Variants in GAPVD1 observed in about 807,000 individuals in gnomAD.
GAPVD1 encodes GTPase activating protein and VPS9 domains 1, also known as GTPase-activating protein and VPS9 domain-containing protein 1.
Under a neutral mutation model 155.5 loss-of-function variants are expected in GAPVD1, and 35 were observed. That is an observed-to-expected ratio of 0.23 (90% CI 0.17 to 0.30). The LOEUF (loss-of-function observed/expected upper bound fraction) is 0.30, where lower values mean the gene tolerates loss of function less well. Among genes scored for constraint, GAPVD1 ranks in the 10% least tolerant of loss-of-function variants. The probability of loss-of-function intolerance (pLI) is 1.00; values close to 1 mark genes in which losing one functional copy is unlikely to be tolerated. For synonymous variants in GAPVD1, 636 were observed against 619.7 expected, an observed-to-expected ratio of 1.03 and a Z score of -0.39; for missense variants, 1,429 against 1,775.7, an observed-to-expected ratio of 0.80 and a Z score of 3.51.
chr9:125,267,967 A>G (rs1834245131), intron 1 of GAPVD1, among the ~76,000 whole-genome samples: 1 of 151,906 alleles, frequency 6.6e-6, no homozygotes, highest in South Asian at 2.1e-4. Context: ...GTTTGAGACC[A>G]GCCTGGCCGA....
chr9:125,269,884 A>AT (rs1476555845), intron 2 of GAPVD1, among the ~76,000 whole-genome samples: 4 of 150,124 alleles, frequency 2.7e-5, no homozygotes, highest in Non-Finnish European at 5.9e-5. Flanking sequence ...TGTCCAGCTA[A>AT]TTTTTTTTAT....
In GAPVD1 at chr9:125,359,406, T is replaced by TG; in HGVS notation, c.3972-8dup. The TG allele has an allele frequency of 7.4e-6, 11 of 1,487,482 alleles. No homozygotes were observed. The highest frequency in any genetic ancestry group is 1.7e-4 in the Middle Eastern group (1 of 5,810). 92.1% of individuals were successfully genotyped at this position (1,487,482 alleles called of 1,614,324 possible). Reference sequence around the variant, plus strand: ...GAAATGAATGTTTACATGTGTATTTTGGGGGGTTTTCAGGGTTCTTCATGA... The same window carrying TG: ...GAAATGAATGTTTACATGTGTATTTTGGGGGGGTTTTCAGGGTTCTTCATGA... On this transcript the variant is annotated splice_polypyrimidine_tract_variant and intron_variant, in intron 25 of 27. Coordinates refer to ENST00000297933, the MANE Select transcript of GAPVD1 (RefSeq NM_001282680.3).
intron 23 of GAPVD1, among the ~76,000 whole-genome samples, chr9:125,353,826 A>C (rs1036326786): frequency 2.6e-5 from 4 of 152,214 alleles, no homozygotes; most frequent in East Asian, 3.8e-4. Context: ...ATGGAAATTC[A>C]AGATGAGATG....
chr9:125,350,666 A>T (rs1430950831), intron 22 of GAPVD1, 47 bp from the exon 23 acceptor site: 1 of 1,178,746 alleles, frequency 8.5e-7, no homozygotes, highest in South Asian at 1.3e-5. Flanking sequence ...TTATTTAAGC[A>T]CATGGAAATT....
rs1469827376 is a variant in GAPVD1 at position 125,295,616 on chromosome 9, G to A, written c.-33+42G>A. ...CCGGCTAGTTTTTGTATTTTTAGTA[G>A]AGACGGGGTTTCACCATGTTGGCCA... On this transcript the variant is annotated intron_variant, in intron 3 of 27. Coordinates refer to ENST00000297933, the MANE Select transcript of GAPVD1 (RefSeq NM_001282680.3). 3 of 151,888 alleles carry A rather than the reference G, an allele frequency of 2.0e-5. No homozygotes were observed. In the East Asian group the frequency reaches 5.8e-4, roughly 29 times the overall value. The allele number at this position is 151,888 out of a possible 1,614,324, so 9.4% of individuals were successfully genotyped here.
chr9:125,330,802 G>A lies in GAPVD1; in HGVS notation c.2173+584G>A, dbSNP rs193130658. On this transcript the variant is annotated intron_variant, in intron 13 of 27. Coordinates refer to ENST00000297933, the MANE Select transcript of GAPVD1 (RefSeq NM_001282680.3). ...CAATTTTCTGTGATTATCAGAGTCC[G>A]TGTGAATCATTGAATTTAGTATCTT... is the stretch of plus-strand genomic sequence containing the variant. Among the ~76,000 whole-genome samples, 8 of 152,316 alleles carry A rather than the reference G, an allele frequency of 5.3e-5. 1 individual carries two copies. Among genetic ancestry groups the A allele is most frequent in the African/African-American group, 7.2e-5 (3 of 41,562 alleles).
At chr9:125,348,941 C>T (rs1486310344) in intron 20 of GAPVD1, among the ~76,000 whole-genome samples, 1 of 152,208 alleles carries the variant, frequency 6.6e-6, no homozygotes, top group Non-Finnish European at 1.5e-5. Context: ...AATCAGGAGA[C>T]CTTAACCCAT....
At position 125,330,989 on chromosome 9, in the gene GAPVD1, T is replaced by C. The variant is rs185233337; in HGVS notation, c.2173+771T>C. ...TTGAGATTCTGTAATCCTGAGGATT[T>C]TTTTTTTGTGCAGGTTATTATAAAT... On this transcript the variant is annotated intron_variant, in intron 13 of 27. Transcript: ENST00000297933. Among the ~76,000 whole-genome samples, 19 of 152,088 alleles carry C rather than the reference T, an allele frequency of 1.2e-4. No homozygotes were observed. In the East Asian group the frequency reaches 3.5e-3, roughly 28 times the overall value.
At chr9:125,308,239 G>A (rs548782586) in intron 8 of GAPVD1, 37 of 268,576 alleles carry the variant, frequency 1.4e-4, no homozygotes, top group African/African-American at 6.4e-4. Flanking sequence ...CCTGCTACTT[G>A]GGAGGCTGAG....
chr9:125,301,298 G>A (rs1840817330), intron 4 of GAPVD1, among the ~76,000 whole-genome samples: 1 of 152,042 alleles, frequency 6.6e-6, no homozygotes, highest in Non-Finnish European at 1.5e-5. Flanking sequence ...TTGAACTCCT[G>A]GGCTCAAGTG....
rs1259477073 is a variant in GAPVD1 at position 125,349,400 on chromosome 9, T to A, written c.3180T>A (p.Gly1060=). ...MANYESTEVM[G]DGESAHDSPR... ...GTGGGTTTTGTTTAGAGGTTATGGGTGATGGTGAAAGTGCACATGATTCTC... is the reference window on the plus strand; with the variant it reads ...GTGGGTTTTGTTTAGAGGTTATGGGAGATGGTGAAAGTGCACATGATTCTC... Residue 1060 remains glycine, a synonymous_variant, in exon 21 of 28, where the codon GGT becomes GGA. Transcript: ENST00000297933. 2 of 1,613,752 alleles carry A rather than the reference T, an allele frequency of 1.2e-6. No homozygotes were observed. Among genetic ancestry groups the A allele is most frequent in the Non-Finnish European group, 8.5e-7 (1 of 1,179,876 alleles).
intron 17 of GAPVD1, among the ~76,000 whole-genome samples, chr9:125,337,979 G>A (rs1371223355): frequency 1.3e-5 from 2 of 152,124 alleles, no homozygotes; most frequent in African/African-American, 4.8e-5. Flanking sequence ...AGGTTCAAGC[G>A]ATTCCTCTGC....
chr9:125,328,081 G>T (rs1166161456), intron 12 of GAPVD1, among the ~76,000 whole-genome samples: 1 of 150,904 alleles, frequency 6.6e-6, no homozygotes, highest in Non-Finnish European at 1.5e-5. Flanking sequence ...CTTTTATTAG[G>T]TTTAATCCAA....
In GAPVD1 at chr9:125,350,750, T is replaced by C; in HGVS notation, c.3447T>C (p.Ala1149=). Residue 1149 remains alanine (A), a synonymous_variant, in exon 23 of 28, where the codon GCT becomes GCC. Transcript: ENST00000297933. ...EIVCFLKVQI[A]EAINLQDKNL... ...TATGCTTCTTAAAAGTTCAAATAGC[T>C]GAAGCAATTAATTTACAAGATAAGA... 6.4e-7 allele frequency: 1 copy of C among 1,568,638 alleles called. No individual in the cohort carries two copies. The highest frequency in any genetic ancestry group is 1.1e-5 in the South Asian group (1 of 89,870).
At chr9:125,357,472 A>G (rs922546836) in intron 25 of GAPVD1, among the ~76,000 whole-genome samples, 1 of 152,026 alleles carries the variant, frequency 6.6e-6, no homozygotes, top group Non-Finnish European at 1.5e-5. Flanking sequence ...CCAGCTGCTC[A>G]GGAGGCTGAA....
chr9:125,354,592 A>G (rs549523338), intron 23 of GAPVD1, 62 bp from the exon 24 acceptor site: 38 of 1,100,944 alleles, frequency 3.5e-5, no homozygotes, highest in Middle Eastern at 2.0e-4. Context: ...TAGGACCCTT[A>G]TTCTTCAAAG....
At chr9:125,356,021 A>G (rs1254853786) in intron 25 of GAPVD1, among the ~76,000 whole-genome samples, 164 bp downstream of exon 25, 2 of 152,198 alleles carry the variant, frequency 1.3e-5, no homozygotes, top group Non-Finnish European at 2.9e-5. Context: ...AAAGAATAAT[A>G]CCCAGTTTTC....
At position 125,349,417 on chromosome 9, in the gene GAPVD1, A is replaced by G. The variant is rs776872994; in HGVS notation, c.3197A>G (p.His1066Arg). 2 of 1,613,800 alleles carry G rather than the reference A, an allele frequency of 1.2e-6. No homozygotes were observed. Among genetic ancestry groups the G allele is most frequent in the East Asian group, 2.2e-5 (1 of 44,888 alleles). ...TEVMGDGESA[H>R]DSPRDEALQN... Reference sequence around the variant, plus strand: ...GTTATGGGTGATGGTGAAAGTGCACATGATTCTCCCCGTGACGAAGCACTG... The same window carrying G: ...GTTATGGGTGATGGTGAAAGTGCACGTGATTCTCCCCGTGACGAAGCACTG... Residue 1066 changes from histidine to arginine, a missense_variant, in exon 21 of 28, where the codon CAT (histidine) becomes CGT (arginine). This residue lies in a region of GAPVD1 where 699 missense variants were observed against 826.0 expected (regional missense o/e 0.85). Coordinates refer to ENST00000297933, the MANE Select transcript of GAPVD1 (RefSeq NM_001282680.3).
chr9:125,269,671 C>T (rs1033601579), intron 2 of GAPVD1, among the ~76,000 whole-genome samples: 11 of 147,732 alleles, frequency 7.4e-5, no homozygotes, highest in African/African-American at 2.8e-4. Flanking sequence ...GTGATCCACC[C>T]GCTGTGCTGG....
Sources: allele counts gnomAD v4.1 joint callset (sites outside exome capture counted in the v4.1 genomes callset), GRCh38; gene constraint gnomAD v4.1.1; regional missense constraint gnomAD v4.1.1; transcripts MANE v1.5; gene names NCBI Gene and HGNC (gene_info 2026-07-23, HGNC 2026-07-21).